The following FMN2 variants were observed in gnomAD, a reference collection of about 807,000 sequenced individuals.
FMN2 encodes formin-2.
A neutral mutation model predicts 142.3 loss-of-function variants in FMN2; 51 were observed. The observed-to-expected ratio is 0.36, with a 90% CI of 0.29 to 0.45. The LOEUF is 0.45. Ranked by LOEUF, FMN2 falls within the 20% of genes least tolerant of loss-of-function variation. The pLI is 1.00. For missense variants in FMN2, 1,936 were observed against 2,122.8 expected, an observed-to-expected ratio of 0.91 and a Z score of 1.73; for synonymous variants, 882 against 869.8, an observed-to-expected ratio of 1.01 and a Z score of -0.25.
chr1:240,152,305 T>TA (rs1435210597), intron 2 of FMN2, among the ~76,000 whole-genome samples: 1 of 115,464 alleles, frequency 8.7e-6, no homozygotes, highest in Non-Finnish European at 2.0e-5. Flanking sequence ...CCGAGCTCAT[T>TA]TAAAAAAAAA....
Position 240,092,530 on chromosome 1 carries a change from G to A in FMN2, c.421G>A (p.Val141Met). The A allele has an allele frequency of 6.2e-7, 1 of 1,610,686 alleles. No homozygotes were observed. Among genetic ancestry groups the A allele is most frequent in the Non-Finnish European group, 8.5e-7 (1 of 1,178,736 alleles). The change falls in exon 1 of 18, where the codon GTG (valine) becomes ATG (methionine). Residue 141 changes from valine (V) to methionine (M), a missense_variant. Physicochemically the swap from Val to Met is conservative, Grantham distance 21. This residue lies in a region of FMN2 where 751 missense variants were observed against 791.8 expected (regional missense o/e 0.95). Coordinates refer to ENST00000319653, the MANE Select transcript of FMN2 (RefSeq NM_020066.5). ...TACCGAGTGTGCGGACCCTTTTGAGGTGACCGGTCCAGGGGGTCCTGGGCC... is the reference window on the plus strand; with the variant it reads ...TACCGAGTGTGCGGACCCTTTTGAGATGACCGGTCCAGGGGGTCCTGGGCC... ...SDTECADPFE[V>M]TGPGGPGPAE...
At chr1:240,320,953 G>C (rs1408340722) in intron 8 of FMN2, among the ~76,000 whole-genome samples, 2 of 152,126 alleles carry the variant, frequency 1.3e-5, no homozygotes, top group African/African-American at 2.4e-5. Flanking sequence ...TCACCACTAT[G>C]CTCTCACAGG....
chr1:240,187,269 CAAAAAA>C (rs10610560), intron 3 of FMN2, among the ~76,000 whole-genome samples: 2 of 83,788 alleles, frequency 2.4e-5, no homozygotes, highest in African/African-American at 4.6e-5. Context: ...AACTCCATCT[CAAAAAA>C]AAAAAAAAAA....
chr1:240,292,383 G>T (rs758871527), intron 7 of FMN2, among the ~76,000 whole-genome samples: 18 of 152,136 alleles, frequency 1.2e-4, no homozygotes, highest in Non-Finnish European at 7.4e-5. Context: ...CTCTGATCAT[G>T]GTATTCTCTT....
At chr1:240,106,496 A>G (rs981360606) in intron 1 of FMN2, among the ~76,000 whole-genome samples, 1 of 152,164 alleles carries the variant, frequency 6.6e-6, no homozygotes, top group African/African-American at 2.4e-5. Flanking sequence ...GTATTATTGG[A>G]TTCCTGGTAG....
chr1:240,266,294 G>T (rs114009388), intron 7 of FMN2, among the ~76,000 whole-genome samples: 1,773 of 151,194 alleles, frequency 0.012, 49 homozygotes, highest in African/African-American at 0.041. Context: ...GAAGGTTTTT[G>T]GGGGGGTCCA....
chr1:240,180,419 C>T (rs1234780184), intron 3 of FMN2, among the ~76,000 whole-genome samples: 1 of 151,984 alleles, frequency 6.6e-6, no homozygotes, highest in East Asian at 1.9e-4. Flanking sequence ...CATAGGTAAC[C>T]TTTGCCTACA....
intron 2 of FMN2, chr1:240,145,176 CCTT>C (rs1344104916): frequency 4.1e-6 from 6 of 1,455,094 alleles, no homozygotes; most frequent in South Asian, 1.2e-5. Context: ...AGGGATGTGT[CCTT>C]CTCCCCGAGT....
chr1:240,099,387 A>C (rs1661335018), intron 1 of FMN2, among the ~76,000 whole-genome samples: 1 of 149,178 alleles, frequency 6.7e-6, no homozygotes, highest in African/African-American at 2.5e-5. Context: ...TTTGTCACTT[A>C]TCAGATATTC....
intron 16 of FMN2, among the ~76,000 whole-genome samples, chr1:240,467,361 G>A (rs559084857): frequency 3.2e-4 from 47 of 149,172 alleles, no homozygotes; most frequent in African/African-American, 1.2e-3. Context: ...TGCAACCTCC[G>A]CCTCCCAGAT....
intron 14 of FMN2, among the ~76,000 whole-genome samples, chr1:240,384,858 A>G (rs1238265402): frequency 6.6e-6 from 1 of 152,170 alleles, no homozygotes; most frequent in Admixed American, 6.5e-5. Flanking sequence ...TTGGGTTATT[A>G]TATGTAAAGA....
intron 1 of FMN2, among the ~76,000 whole-genome samples, chr1:240,106,886 G>T (rs1383980152): frequency 6.6e-6 from 1 of 151,628 alleles, no homozygotes; most frequent in Non-Finnish European, 1.5e-5. Context: ...GTTTCACCAT[G>T]TTGGCCAGGC....
chr1:240,178,169 G>A, intron 3 of FMN2, 101 bp downstream of exon 3: 3 of 1,283,072 alleles, frequency 2.3e-6, no homozygotes, highest in Non-Finnish European at 3.0e-6. Context: ...ATTTTTAATT[G>A]CATGGCATTC....
intron 4 of FMN2, among the ~76,000 whole-genome samples, chr1:240,189,877 G>A (rs2103351287): frequency 1.2e-5 from 1 of 86,208 alleles, no homozygotes; most frequent in East Asian, 2.2e-4. Context: ...CACTTTTTAA[G>A]CCTTTTTTTT....
intron 15 of FMN2, among the ~76,000 whole-genome samples, chr1:240,399,790 G>A (rs566746052): frequency 3.0e-4 from 45 of 151,548 alleles, no homozygotes; most frequent in African/African-American, 1.1e-3. Flanking sequence ...CTGATTTTAG[G>A]GCAGAGATTC....
At chr1:240,184,623 T>G (rs1000982955) in intron 3 of FMN2, among the ~76,000 whole-genome samples, 3 of 151,342 alleles carry the variant, frequency 2.0e-5, no homozygotes, top group African/African-American at 7.3e-5. Flanking sequence ...TCTCACCAGG[T>G]TAGTCTTTGA....
chr1:240,236,322 G>T (rs74149383), intron 6 of FMN2, among the ~76,000 whole-genome samples: 1 of 152,038 alleles, frequency 6.6e-6, no homozygotes, highest in African/African-American at 2.4e-5. Context: ...TCTCACTCTC[G>T]CCATGCCTTT....
At chr1:240,242,088 G>A (rs1024595293) in intron 6 of FMN2, among the ~76,000 whole-genome samples, 13 of 151,944 alleles carry the variant, frequency 8.6e-5, no homozygotes, top group Admixed American at 4.6e-4. Context: ...CTCGTGATCC[G>A]CCTGCCTCGG....
At chr1:240,424,546 A>G (rs1044864908) in intron 15 of FMN2, among the ~76,000 whole-genome samples, 1 of 152,182 alleles carries the variant, frequency 6.6e-6, no homozygotes, top group Non-Finnish European at 1.5e-5. Flanking sequence ...TGAAGAATAG[A>G]TTCCTTGTCT....
Sources: allele counts gnomAD v4.1 joint callset (sites outside exome capture counted in the v4.1 genomes callset), GRCh38; gene constraint gnomAD v4.1.1; regional missense constraint gnomAD v4.1.1; transcripts MANE v1.5; gene names NCBI Gene and HGNC (gene_info 2026-07-23, HGNC 2026-07-21).